The following TRIP11 variants were observed in gnomAD, a reference collection of about 807,000 sequenced individuals.
TRIP11 encodes the protein thyroid hormone receptor interactor 11.
TRIP11 carries 148 observed loss-of-function variants against 223.1 expected under a neutral mutation model. That is an observed-to-expected ratio of 0.66 (90% CI 0.58 to 0.76). The LOEUF is 0.76. Among genes scored for constraint, TRIP11 ranks in the 30% least tolerant of loss-of-function variants. TRIP11 has a pLI of 0.00. For missense variants in TRIP11, 2,043 were observed against 2,222.0 expected, an observed-to-expected ratio of 0.92 and a Z score of 1.62; for synonymous variants, 762 against 772.6, an observed-to-expected ratio of 0.99 and a Z score of 0.23.
In TRIP11 at chr14:92,012,246, A is replaced by C. The variant is rs75786796; in HGVS notation, c.1187-451T>G. The stretch of plus-strand genomic sequence containing the variant: ...AATTATCTAACGTGATTTAGATATG[A>C]ATGCTGAGAAAAAGACCATTCAATT... On this transcript the variant is annotated intron_variant, in intron 7 of 20. Transcript: ENST00000267622. Among the ~76,000 whole-genome samples, 624 of 152,334 alleles carry C rather than the reference A, an allele frequency of 4.1e-3. 6 individuals carry two copies. Among genetic ancestry groups the C allele is most frequent in the African/African-American group, 0.014 (587 of 41,556 alleles).
rs886171570 is a variant in TRIP11 at position 92,034,237 on chromosome 14, A to G, written c.140-984T>C. On this transcript the variant is annotated intron_variant, in intron 1 of 20. Coordinates refer to ENST00000267622, the MANE Select transcript of TRIP11 (RefSeq NM_004239.4). ...TCGGGAGTTTGAGACCAGCCTGGCC[A>G]ACAGGTAAAACCTCGTCTCTACTAA... Among the ~76,000 whole-genome samples, 3 of 152,170 alleles carry G rather than the reference A, an allele frequency of 2.0e-5. No homozygotes were observed. The East Asian group carries it at 5.8e-4, about 29-fold the overall frequency.
At position 91,995,334 on chromosome 14, in the gene TRIP11, A is replaced by G. The variant is rs200442856; in HGVS notation, c.5056+18T>C. ...AACTACAATTTTTCTTCATTGAAAG[A>G]GTGACCGTAGAGCTTACCTTGTTGG... On this transcript the variant is annotated intron_variant, in intron 14 of 20. Coordinates refer to ENST00000267622, the MANE Select transcript of TRIP11 (RefSeq NM_004239.4). 6.2e-7 allele frequency: 1 copy of G among 1,612,708 alleles called. No individual in the cohort carries two copies. The highest frequency in any genetic ancestry group is 1.7e-5 in the Admixed American group (1 of 60,018).
At position 92,021,604 on chromosome 14, in the gene TRIP11, T is replaced by A; in HGVS notation, c.540A>T (p.Glu180Asp). Reference protein sequence around the residue: ...SQQEINRLSNEVSRLESEVGH... With the variant: ...SQQEINRLSNDVSRLESEVGH... ...CAACTTCAGACTCAAGTCTTGAAAC[T>A]TCATTTGAGAGTCGGTTTATTTCTT... The change falls in exon 4 of 21, where the codon GAA (glutamate) becomes GAT (aspartate). Residue 180 changes from glutamate to aspartate, a missense_variant. Transcript: ENST00000267622. The A allele has an allele frequency of 6.2e-7, 1 of 1,614,212 alleles. No individual in the cohort carries two copies. Among genetic ancestry groups the A allele is most frequent in the Non-Finnish European group, 8.5e-7 (1 of 1,180,038 alleles).
Position 92,003,955 on chromosome 14 carries a change from A to C in TRIP11, c.4021T>G (p.Ser1341Ala). The C allele has an allele frequency of 6.2e-7, 1 of 1,614,196 alleles. No homozygotes were observed. Among genetic ancestry groups the C allele is most frequent in the African/African-American group, 1.3e-5 (1 of 75,062 alleles). The change falls in exon 11 of 21, where the codon TCT becomes GCT. Residue 1341 changes from serine (S) to alanine (A), a missense_variant. Coordinates refer to ENST00000267622, the MANE Select transcript of TRIP11 (RefSeq NM_004239.4). ...AACTCTTGCTGAAGCAATTCAGAAG[A>C]TTCACTCAATACTTCAGACTTACTT... ...RASKSEVLSE[S>A]SELLQQELEE...
In TRIP11 at chr14:92,004,671, A is replaced by G. The variant is rs754387562; in HGVS notation, c.3305T>C (p.Phe1102Ser). 3.1e-6 allele frequency: 5 copies of G among 1,614,134 alleles called. No individual in the cohort carries two copies. The South Asian group carries it at 4.4e-5, about 14-fold the overall frequency. The part of the protein sequence containing the change: ...QAYAMEREKV[F>S]AVLNEKTREN... ...CCTAGTCTTCTCATTCAAAACAGCAAATACCTTTTCTCTTTCCATAGCATA... is the reference window on the plus strand; with the variant it reads ...CCTAGTCTTCTCATTCAAAACAGCAGATACCTTTTCTCTTTCCATAGCATA... Residue 1102 changes from phenylalanine (F) to serine (S), a missense_variant, in exon 11 of 21, where the codon TTT becomes TCT. Physicochemically the swap from Phe to Ser is radical, Grantham distance 155. Transcript: ENST00000267622.
chr14:91,988,417 C>A (rs776673412), intron 15 of TRIP11, 34 bp from the exon 16 acceptor site: 2 of 1,575,604 alleles, frequency 1.3e-6, no homozygotes, highest in Non-Finnish European at 1.7e-6. Context: ...AAAAAGTATG[C>A]AAAAATTATT....
rs777364440 is a variant in TRIP11 at position 92,004,400 on chromosome 14, A to C, written c.3576T>G (p.Thr1192=). The part of the protein sequence containing the change: ...TLLAVLQTSS[T]GNEAGGVNSN... Reference sequence around the variant, plus strand: ...TATTAACACCTCCAGCCTCATTACCAGTGCTGGATGTTTGTAAAACTGCCA... The same window carrying C: ...TATTAACACCTCCAGCCTCATTACCCGTGCTGGATGTTTGTAAAACTGCCA... Residue 1192 remains threonine (T), a synonymous_variant, in exon 11 of 21, where the codon ACT becomes ACG. Transcript: ENST00000267622. The C allele has an allele frequency of 6.2e-7, 1 of 1,614,062 alleles. No individual in the cohort carries two copies. The highest frequency in any genetic ancestry group is 1.1e-5 in the South Asian group (1 of 91,080).
At position 91,969,647 on chromosome 14, in the gene TRIP11, T is replaced by C; in HGVS notation, c.*26A>G. On this transcript the variant is annotated 3_prime_UTR_variant, in exon 21 of 21. Coordinates refer to ENST00000267622, the MANE Select transcript of TRIP11 (RefSeq NM_004239.4). ...AGTGTTCATGGTTTCTTTAAAGTGC[T>C]AGATTGTCTCTGGCTTGAGAATCAT... 1 of 1,609,106 alleles carries C rather than the reference T, an allele frequency of 6.2e-7. No homozygotes were observed. The highest frequency in any genetic ancestry group is 8.5e-7 in the Non-Finnish European group (1 of 1,177,124).
Position 92,006,353 on chromosome 14 carries a change from C to CTT in TRIP11, c.1621_1622dup (p.Val543GlufsTer16). On this transcript the variant is annotated frameshift_variant, in exon 11 of 21. Coordinates refer to ENST00000267622, the MANE Select transcript of TRIP11 (RefSeq NM_004239.4). LOFTEE classifies it high-confidence loss of function. ...TATCATCTTCAAGTTGATGAACTCT[C>CTT]TTTTTTTCATCATTTAGATCTTGTT... 3 of 1,612,032 alleles carry CTT rather than the reference C, an allele frequency of 1.9e-6. No homozygotes were observed. Among genetic ancestry groups the CTT allele is most frequent in the Non-Finnish European group, 2.5e-6 (3 of 1,179,166 alleles).
At position 91,974,699 on chromosome 14, in the gene TRIP11, C is replaced by T. The variant is rs1229202246; in HGVS notation, c.5502G>A (p.Gly1834=). ...DQGGVTRWMT[G]WLGGGSKSVP... ...CACTTTTTGATCCTCCTCCAAGCCA[C>T]CCAGTCATCCACCTGGTAACACCGC... is the stretch of plus-strand genomic sequence containing the variant. The change falls in exon 19 of 21, where the codon GGG becomes GGA. Residue 1834 remains glycine, a synonymous_variant. Coordinates refer to ENST00000267622, the MANE Select transcript of TRIP11 (RefSeq NM_004239.4). 3 of 1,613,076 alleles carry T rather than the reference C, an allele frequency of 1.9e-6. No individual in the cohort carries two copies. In the Admixed American group the frequency reaches 5.0e-5, roughly 27 times the overall value.
chr14:92,033,254 C>T lies in TRIP11; in HGVS notation c.140-1G>A, dbSNP rs2057288431. 6.2e-7 allele frequency: 1 copy of T among 1,609,174 alleles called. No homozygotes were observed. Among genetic ancestry groups the T allele is most frequent in the Non-Finnish European group, 8.5e-7 (1 of 1,176,006 alleles). On this transcript the variant is annotated splice_acceptor_variant, in intron 1 of 20. Coordinates refer to ENST00000267622, the MANE Select transcript of TRIP11 (RefSeq NM_004239.4). LOFTEE classifies it high-confidence loss of function. ...TTTGTCCTAGAATCAGGTAATTCTG[C>T]TACAAGAGAAATAACAAATATTGAA...
At position 92,003,512 on chromosome 14, in the gene TRIP11, C is replaced by T; in HGVS notation, c.4464G>A (p.Lys1488=). The change falls in exon 11 of 21, where the codon AAG becomes AAA. Residue 1488 remains lysine (K), a synonymous_variant. Transcript: ENST00000267622. ...EYQALQETNM[K]FSMMLREKEF... Reference sequence around the variant, plus strand: ...CTTTTTCTCGCAGCATCATAGAAAACTTCATGTTAGTCTCTTGTAACGCTT... The same window carrying T: ...CTTTTTCTCGCAGCATCATAGAAAATTTCATGTTAGTCTCTTGTAACGCTT... 2 of 1,614,122 alleles carry T rather than the reference C, an allele frequency of 1.2e-6. No individual in the cohort carries two copies. Among genetic ancestry groups the T allele is most frequent in the East Asian group, 2.2e-5 (1 of 44,868 alleles).
chr14:92,030,434 C>A (rs1425932813), intron 2 of TRIP11: 2 of 151,854 alleles, frequency 1.3e-5, no homozygotes, highest in African/African-American at 2.4e-5. Flanking sequence ...GTTGCCCAGG[C>A]TGGAGTGCAA....
Position 92,003,426 on chromosome 14 carries a change from TTC to T in TRIP11, c.4548_4549del (p.Lys1517ArgfsTer16). Reference sequence around the variant, plus strand: ...ACTCCATCCAGAACACACCTGTTCTTTCTCTTTCAATAGCTGTTCAAAAGCAA... The same window carrying T: ...ACTCCATCCAGAACACACCTGTTCTTTCTTTCAATAGCTGTTCAAAAGCAA... On this transcript the variant is annotated frameshift_variant, in exon 11 of 21. Coordinates refer to ENST00000267622, the MANE Select transcript of TRIP11 (RefSeq NM_004239.4). LOFTEE classifies it high-confidence loss of function. 2 of 1,613,252 alleles carry T rather than the reference TTC, an allele frequency of 1.2e-6. No individual in the cohort carries two copies. The highest frequency in any genetic ancestry group is 1.7e-6 in the Non-Finnish European group (2 of 1,180,010).
chr14:92,033,337 C>G (rs2057289545), intron 1 of TRIP11, 84 bp from the exon 2 acceptor site: 1 of 1,092,970 alleles, frequency 9.1e-7, no homozygotes, highest in African/African-American at 1.6e-5. Context: ...ATATATTTCA[C>G]TGAGTTTACA....
chr14:92,003,354 A>C, intron 11 of TRIP11, 65 bp downstream of exon 11: 1 of 1,586,964 alleles, frequency 6.3e-7, no homozygotes, highest in African/African-American at 1.3e-5. Context: ...ATATAAATGA[A>C]ATAACATTAA....
chr14:92,004,578 A>T lies in TRIP11; in HGVS notation c.3398T>A (p.Leu1133His). Residue 1133 changes from leucine to histidine, a missense_variant, in exon 11 of 21, where the codon CTT becomes CAT. Coordinates refer to ENST00000267622, the MANE Select transcript of TRIP11 (RefSeq NM_004239.4). ...MDIVAAKEAA[L>H]IKLQDENKKL... is the part of the protein sequence containing the mutation. ...TTTATTTTCATCTTGCAGTTTGATA[A>T]GAGCTGCTTCCTTGGCAGCAACAAT... is the stretch of plus-strand genomic sequence containing the variant. 6.2e-7 allele frequency: 1 copy of T among 1,614,002 alleles called. No individual in the cohort carries two copies. The highest frequency in any genetic ancestry group is 8.5e-7 in the Non-Finnish European group (1 of 1,179,994).
At chr14:92,000,696 C>G (rs368279677) in intron 11 of TRIP11, among the ~76,000 whole-genome samples, 10 of 152,244 alleles carry the variant, frequency 6.6e-5, no homozygotes, top group Admixed American at 5.2e-4. Flanking sequence ...AAAAAGTGTA[C>G]GTGTGTGCAC....
intron 11 of TRIP11, among the ~76,000 whole-genome samples, chr14:92,003,148 ATC>A (rs1188108345): frequency 6.6e-6 from 1 of 152,198 alleles, no homozygotes; most frequent in Admixed American, 6.5e-5. Context: ...CATGAGACAC[ATC>A]TGTTTCCTAA....
Sources: gnomAD v4.1 joint callset for allele counts (sites outside exome capture counted in the v4.1 genomes callset) on GRCh38, gnomAD v4.1.1 for gene constraint, MANE v1.5 for transcripts, NCBI Gene and HGNC (gene_info 2026-07-23, HGNC 2026-07-21) for gene names.